SGK1: variants seen among roughly 807,000 people sequenced by gnomAD.
The protein encoded by SGK1 is serine/threonine-protein kinase Sgk1.
SGK1 carries 26 observed loss-of-function variants against 64.2 expected under a neutral mutation model. The observed-to-expected ratio is 0.40, with a 90% CI of 0.30 to 0.56. SGK1 has a LOEUF of 0.56. Ranked by LOEUF, SGK1 falls within the 20% of genes least tolerant of loss-of-function variation. SGK1 has a pLI of 0.38. For missense variants in SGK1, 519 were observed against 645.6 expected, an observed-to-expected ratio of 0.80 and a Z score of 2.12; for synonymous variants, 265 against 239.7, an observed-to-expected ratio of 1.11 and a Z score of -0.98.
At chr6:134,257,255 T>C (rs1369474239) in intron 2 of SGK1, 1 of 152,290 alleles carries the variant, frequency 6.6e-6, no homozygotes, top group African/African-American at 2.4e-5. Flanking sequence ...GGAGAAACCC[T>C]GTCCAGGCAT....
intron 2 of SGK1, among the ~76,000 whole-genome samples, chr6:134,237,053 TTTTTC>T (rs1776374103): frequency 1.3e-5 from 1 of 79,860 alleles, no homozygotes; most frequent in African/African-American, 4.0e-5. Flanking sequence ...TTTCTTTTTC[TTTTTC>T]TTTTTTTTTT....
Position 134,270,430 on chromosome 6 carries a change from A to T in SGK1, c.70-8282T>A, listed in dbSNP as rs115665368. On this transcript the variant is annotated intron_variant, in intron 1 of 13. Coordinates refer to ENST00000367858, the MANE Select transcript of SGK1 (RefSeq NM_001143676.3). ...TACAAACAAACTAGGTAATAAAAATAGGAATCTCTTGATTGCTTTTAATAT... is the reference window on the plus strand; with the variant it reads ...TACAAACAAACTAGGTAATAAAAATTGGAATCTCTTGATTGCTTTTAATAT... Among the ~76,000 whole-genome samples the T allele has an allele frequency of 7.0e-3, 1,036 of 148,400 alleles. 60 individuals carry two copies. The highest frequency in any genetic ancestry group is 0.023 in the African/African-American group (966 of 41,280).
chr6:134,192,370 G>C (rs969036261), intron 3 of SGK1, among the ~76,000 whole-genome samples: 1 of 152,122 alleles, frequency 6.6e-6, no homozygotes, highest in Admixed American at 6.5e-5. Flanking sequence ...CTACTTTAAC[G>C]ACTCCAGCCC....
At chr6:134,268,709 C>T (rs1403029890) in intron 1 of SGK1, among the ~76,000 whole-genome samples, 1 of 120,108 alleles carries the variant, frequency 8.3e-6, no homozygotes, top group Non-Finnish European at 1.7e-5. Flanking sequence ...GGCGACAGAG[C>T]GAGACTCTGT....
chr6:134,293,165 CCA>C (rs1351380572), intron 1 of SGK1, among the ~76,000 whole-genome samples: 1 of 152,272 alleles, frequency 6.6e-6, no homozygotes, highest in East Asian at 1.9e-4. Flanking sequence ...TCATAATTTG[CCA>C]GTTTCTAATA....
At chr6:134,246,702 C>T (rs1014484805) in intron 2 of SGK1, among the ~76,000 whole-genome samples, 1 of 152,090 alleles carries the variant, frequency 6.6e-6, no homozygotes. Context: ...AAGCAATTCT[C>T]CTGCCTCAGC....
At chr6:134,197,892 A>G (rs948342950) in intron 3 of SGK1, among the ~76,000 whole-genome samples, 48 of 43,288 alleles carry the variant, frequency 1.1e-3, no homozygotes, top group African/African-American at 2.0e-3. Flanking sequence ...AAAATAAAAT[A>G]AAATAAAATA....
chr6:134,171,491 A>C, intron 11 of SGK1, 146 bp downstream of exon 11: 1 of 634,376 alleles, frequency 1.6e-6, no homozygotes, highest in Non-Finnish European at 2.8e-6. Context: ...GATTATTCTT[A>C]TGAACTATAA....
chr6:134,315,532 T>C (rs1777668988), intron 1 of SGK1, among the ~76,000 whole-genome samples: 1 of 152,202 alleles, frequency 6.6e-6, no homozygotes, highest in Non-Finnish European at 1.5e-5. Context: ...AATGGCAAAT[T>C]AGTATTTCTA....
chr6:134,247,804 C>G (rs1014731575), intron 2 of SGK1, among the ~76,000 whole-genome samples: 1 of 152,182 alleles, frequency 6.6e-6, no homozygotes, highest in Admixed American at 6.5e-5. Flanking sequence ...TAGATAATTT[C>G]AGCCTGTGCA....
intron 1 of SGK1, among the ~76,000 whole-genome samples, chr6:134,278,285 A>T (rs1777046596): frequency 6.6e-6 from 1 of 152,264 alleles, no homozygotes; most frequent in Non-Finnish European, 1.5e-5. Flanking sequence ...AACGCAAAAA[A>T]TCCACAAGGC....
chr6:134,204,812 C>G (rs925238247), intron 3 of SGK1, among the ~76,000 whole-genome samples: 2 of 152,152 alleles, frequency 1.3e-5, no homozygotes, highest in Non-Finnish European at 2.9e-5. Flanking sequence ...CCTTGGCCCC[C>G]CAAAGTGCTG....
chr6:134,171,901 C>A (rs1205268685), intron 10 of SGK1, 169 bp from the exon 11 acceptor site: 1 of 623,482 alleles, frequency 1.6e-6, no homozygotes, highest in African/African-American at 1.8e-5. Flanking sequence ...GACTGGCTAC[C>A]TATGTGTACT....
rs773908301 is a variant in SGK1, at chr6:134,292,674, C to G, written c.69+24718G>C. Among the ~76,000 whole-genome samples the G allele has an allele frequency of 3.4e-4, 52 of 151,944 alleles. 1 individual carries two copies. The highest frequency in any genetic ancestry group is 3.9e-4 in the Admixed American group (6 of 15,236). ...TTACAAACATTAGATTAAGTAGATACAGAAAAGTGAGAGAAAAAGATGAAA... is the reference window on the plus strand; with the variant it reads ...TTACAAACATTAGATTAAGTAGATAGAGAAAAGTGAGAGAAAAAGATGAAA... On this transcript the variant is annotated intron_variant, in intron 1 of 13. Coordinates refer to ENST00000367858, the MANE Select transcript of SGK1 (RefSeq NM_001143676.3).
intron 3 of SGK1, among the ~76,000 whole-genome samples, chr6:134,178,203 C>G (rs1775278075): frequency 6.6e-6 from 1 of 152,144 alleles, no homozygotes; most frequent in African/African-American, 2.4e-5. Flanking sequence ...AGAAAGGGAA[C>G]GTCTGATGTG....
intron 1 of SGK1, among the ~76,000 whole-genome samples, chr6:134,265,825 TAG>T (rs1482601608): frequency 6.0e-5 from 9 of 151,240 alleles, no homozygotes; most frequent in Non-Finnish European, 1.0e-4. Flanking sequence ...CTTTAAAAAA[TAG>T]AGTCTCACCA....
In SGK1 at chr6:134,218,412, C is replaced by T. The variant is rs1192719702; in HGVS notation, c.286-10981G>A. Among the ~76,000 whole-genome samples, 4 of 144,026 alleles carry T rather than the reference C, an allele frequency of 2.8e-5. 1 individual carries two copies. The South Asian group carries it at 8.7e-4, about 31-fold the overall frequency. 94.5% of individuals were successfully genotyped at this position (144,026 alleles called of 152,430 possible). ...ACAGACAGATCTTGCCCTCATGGAA[C>T]TTGTTTTCTTTTCTTTCTTTTTTTC... is the stretch of plus-strand genomic sequence containing the variant. On this transcript the variant is annotated intron_variant, in intron 2 of 13. Coordinates refer to ENST00000367858, the MANE Select transcript of SGK1 (RefSeq NM_001143676.3).
In SGK1 at chr6:134,292,772, A is replaced by G. The variant is rs1582768080; in HGVS notation, c.69+24620T>C. On this transcript the variant is annotated intron_variant, in intron 1 of 13. Coordinates refer to ENST00000367858, the MANE Select transcript of SGK1 (RefSeq NM_001143676.3). ...TTTGGCAGTAGACATGACTGACCTT[A>G]AAACACTTAAGCTAGTCACTTACTC... 4.6e-5 allele frequency among the ~76,000 whole-genome samples: 7 copies of G among 152,358 alleles called. No individual in the cohort carries two copies. In the South Asian group the frequency reaches 1.5e-3, roughly 32 times the overall value.
chr6:134,279,431 AAAATAAATAAAT>A (rs142061179), intron 1 of SGK1, among the ~76,000 whole-genome samples: 3 of 148,036 alleles, frequency 2.0e-5, no homozygotes, highest in African/African-American at 5.0e-5. Flanking sequence ...ATCCTGTCTC[AAAATAAATAAAT>A]AAATAAATAA....
Sources: allele counts gnomAD v4.1 joint callset (sites outside exome capture counted in the v4.1 genomes callset), GRCh38; gene constraint gnomAD v4.1.1; transcripts MANE v1.5; gene names NCBI Gene and HGNC (gene_info 2026-07-23, HGNC 2026-07-21).